Variants in BTBD8 observed in about 807,000 individuals in gnomAD.
BTBD8 encodes BTB/POZ domain-containing protein 8.
In BTBD8, 110 loss-of-function variants were observed where a neutral mutation model predicts 162.9. That is an observed-to-expected ratio of 0.68 (90% confidence interval 0.58 to 0.79). The LOEUF is 0.79. Ranked by LOEUF, BTBD8 falls within the 30% of genes least tolerant of loss-of-function variation. The pLI is 0.00. For synonymous variants in BTBD8, 667 were observed against 716.1 expected (o/e 0.93, Z 1.10); for missense variants, 1,905 against 2,085.4 (o/e 0.91, Z 1.68).
intron 4 of BTBD8, chr1:92,125,678 CA>C: frequency 2.8e-6 from 1 of 351,982 alleles, no homozygotes; most frequent in Non-Finnish European, 5.5e-6. Context: ...AAGATTATAC[CA>C]AAAGCCATTA....
intron 5 of BTBD8, among the ~76,000 whole-genome samples, chr1:92,138,713 G>C (rs533177093): frequency 1.3e-5 from 2 of 152,184 alleles, no homozygotes; most frequent in African/African-American, 4.8e-5. Flanking sequence ...GATGCAAGAC[G>C]CTATGTAGCA....
chr1:92,121,898 T>C (rs1649222361), intron 4 of BTBD8, among the ~76,000 whole-genome samples: 1 of 151,958 alleles, frequency 6.6e-6, no homozygotes, highest in Non-Finnish European at 1.5e-5. Context: ...CTTGAGCTCC[T>C]GGGCTTAAGG....
rs768946904 is a variant in BTBD8 at position 92,105,405 on chromosome 1, C to T, written c.545-2479C>T. Among the ~76,000 whole-genome samples, 3 of 152,100 alleles carry T rather than the reference C, an allele frequency of 2.0e-5. No individual in the cohort carries two copies. In the South Asian group the frequency reaches 6.2e-4, roughly 32 times the overall value. On this transcript the variant is annotated intron_variant, in intron 3 of 17. Coordinates refer to ENST00000636805, the MANE Select transcript of BTBD8 (RefSeq NM_001376131.1). ...GTAGCTGGGCCCAGAGGGCTGACCA[C>T]CACACCTGGCTAATATTTTGTATTC...
At chr1:92,128,573 C>A (rs558632882) in intron 4 of BTBD8, among the ~76,000 whole-genome samples, 2 of 151,186 alleles carry the variant, frequency 1.3e-5, no homozygotes, top group Non-Finnish European at 2.9e-5. Context: ...CCACCGCGCC[C>A]GGCCATTTTT....
At position 92,171,383 on chromosome 1, in the gene BTBD8, C is replaced by T; in HGVS notation, c.1574-16C>T. On this transcript the variant is annotated splice_polypyrimidine_tract_variant and intron_variant, in intron 12 of 17. Coordinates refer to ENST00000636805, the MANE Select transcript of BTBD8 (RefSeq NM_001376131.1). Reference sequence around the variant, plus strand: ...TAATGTTCCTTATAAAAACAAATTGCTGTTTCTTTCTACAGCTGCATTTGA... The same window carrying T: ...TAATGTTCCTTATAAAAACAAATTGTTGTTTCTTTCTACAGCTGCATTTGA... 6.5e-7 allele frequency: 1 copy of T among 1,533,650 alleles called. No homozygotes were observed. The highest frequency in any genetic ancestry group is 8.8e-7 in the Non-Finnish European group (1 of 1,136,952).
chr1:92,147,896 G>C lies in BTBD8; in HGVS notation c.1122+110G>C, dbSNP rs140564172. ...TAAATGTAAAATATTGTAAAAGCAAGAGGCGTGAACCAATTCAGATAACCT... is the reference window on the plus strand; with the variant it reads ...TAAATGTAAAATATTGTAAAAGCAACAGGCGTGAACCAATTCAGATAACCT... On this transcript the variant is annotated intron_variant, in intron 9 of 17. Coordinates refer to ENST00000636805, the MANE Select transcript of BTBD8 (RefSeq NM_001376131.1). 4,951 of 962,244 alleles carry C rather than the reference G, an allele frequency of 5.1e-3. 12 individuals are homozygous for C. The highest frequency in any genetic ancestry group is 6.5e-3 in the Non-Finnish European group (4,212 of 648,288). 59.6% of individuals were successfully genotyped at this position (962,244 alleles called of 1,614,324 possible).
chr1:92,107,401 G>A (rs569819490), intron 3 of BTBD8, among the ~76,000 whole-genome samples: 97 of 152,176 alleles, frequency 6.4e-4, no homozygotes, highest in Non-Finnish European at 1.1e-3. Flanking sequence ...TTATGATACC[G>A]GATTTTTACT....
At chr1:92,081,445 C>T (rs1339213455) in intron 1 of BTBD8, among the ~76,000 whole-genome samples, 1 of 152,224 alleles carries the variant, frequency 6.6e-6, no homozygotes, top group Non-Finnish European at 1.5e-5. Flanking sequence ...GATTCTTAAA[C>T]TTGGGTGGGC....
At chr1:92,182,616 T>A (rs1437778671) in intron 17 of BTBD8, 21 bp downstream of exon 17, 1 of 1,377,788 alleles carries the variant, frequency 7.3e-7, no homozygotes, top group East Asian at 2.6e-5. Flanking sequence ...GAAATAGAAA[T>A]GCTAAATGCA....
intron 17 of BTBD8, among the ~76,000 whole-genome samples, chr1:92,183,359 C>T (rs931244075): frequency 1.3e-5 from 2 of 152,152 alleles, no homozygotes; most frequent in East Asian, 1.9e-4. Flanking sequence ...TCAGCAAAAT[C>T]GGAAGAATAA....
rs547144634 is a variant in BTBD8 at position 92,179,305 on chromosome 1, TAAGG to T, written c.2581+856_2581+859del. Among the ~76,000 whole-genome samples the T allele has an allele frequency of 2.7e-3, 407 of 151,856 alleles. 1 individual carries two copies. Among genetic ancestry groups the T allele is most frequent in the African/African-American group, 9.1e-3 (376 of 41,424 alleles). ...GTGCAGTCTAAACAACTATAATACATAAGGAGGAAGAATTTCCCTTCCAGAATCT... is the reference window on the plus strand; with the variant it reads ...GTGCAGTCTAAACAACTATAATACATAGGAAGAATTTCCCTTCCAGAATCT... On this transcript the variant is annotated intron_variant, in intron 16 of 17. Coordinates refer to ENST00000636805, the MANE Select transcript of BTBD8 (RefSeq NM_001376131.1).
At chr1:92,089,693 C>T (rs1648248255) in intron 2 of BTBD8, among the ~76,000 whole-genome samples, 1 of 152,112 alleles carries the variant, frequency 6.6e-6, no homozygotes, top group South Asian at 2.1e-4. Flanking sequence ...TATAAGAGCA[C>T]TAATCTCATT....
At position 92,177,823 on chromosome 1, in the gene BTBD8, G is replaced by A. The variant is rs747124665; in HGVS notation, c.2366G>A (p.Arg789Gln). The change falls in exon 15 of 18, where the codon CGA becomes CAA. Residue 789 changes from arginine (R) to glutamine (Q), a missense_variant. Physicochemically the swap from Arg to Gln is conservative, Grantham distance 43 (BLOSUM62 1). Around this residue, in one of 3 missense-constraint regions of BTBD8, gnomAD observed 1,374 missense variants for 1,442.7 expected, o/e 0.95. Coordinates refer to ENST00000636805, the MANE Select transcript of BTBD8 (RefSeq NM_001376131.1). ...TCTTAATTTATAGCCATAAAATCTC[G>A]ACCTGTTTCAAGAGTTACCAATGGA... ...VKNSTVAIKS[R>Q]PVSRVTNGTS... The A allele has an allele frequency of 2.7e-5, 41 of 1,533,542 alleles. No individual in the cohort carries two copies. The highest frequency in any genetic ancestry group is 8.0e-5 in the Admixed American group (4 of 50,268). 95.0% of individuals were successfully genotyped at this position (1,533,542 alleles called of 1,614,324 possible). A position where few individuals can be genotyped will look rare whatever the true frequency, so the allele number is the denominator to read the frequency against.
intron 1 of BTBD8, among the ~76,000 whole-genome samples, chr1:92,086,469 A>T (rs1030137010): frequency 6.6e-6 from 1 of 152,122 alleles, no homozygotes; most frequent in Non-Finnish European, 1.5e-5. Context: ...TGTCTCTACA[A>T]AAGATACAAA....
At chr1:92,126,409 C>T in intron 4 of BTBD8, 1 of 876,852 alleles carries the variant, frequency 1.1e-6, no homozygotes, top group Non-Finnish European at 1.8e-6. Context: ...CTTGCCCAGG[C>T]TCAGACCTCC....
rs1649959876 is a variant in BTBD8 at position 92,147,790 on chromosome 1, A to T, written c.1122+4A>T. 6.2e-7 allele frequency: 1 copy of T among 1,602,096 alleles called. No homozygotes were observed. Among genetic ancestry groups the T allele is most frequent in the East Asian group, 2.2e-5 (1 of 44,736 alleles). ...TAATATGTTGATTCAGTCCTTAGTA[A>T]GTATAACCTGAATACTCTTTTGTGT... On this transcript the variant is annotated splice_donor_region_variant and intron_variant, in intron 9 of 17. Coordinates refer to ENST00000636805, the MANE Select transcript of BTBD8 (RefSeq NM_001376131.1).
At chr1:92,130,115 G>A (rs1005863068) in intron 5 of BTBD8, among the ~76,000 whole-genome samples, 7 of 152,238 alleles carry the variant, frequency 4.6e-5, no homozygotes, top group South Asian at 4.1e-4. Context: ...GCATTCTGCC[G>A]CCTTCTTGCT....
intron 2 of BTBD8, among the ~76,000 whole-genome samples, chr1:92,092,109 A>G (rs908814812): frequency 2.0e-5 from 3 of 152,140 alleles, no homozygotes; most frequent in Admixed American, 6.5e-5. Context: ...TGCCTGTATA[A>G]GAAGACTTAG....
In BTBD8 at chr1:92,182,549, G is replaced by C. The variant is rs935202598; in HGVS notation, c.4866G>C (p.Glu1622Asp). The C allele has an allele frequency of 3.9e-6, 6 of 1,529,928 alleles. No homozygotes were observed. Among genetic ancestry groups the C allele is most frequent in the African/African-American group, 1.4e-5 (1 of 71,754 alleles). 94.8% of individuals were successfully genotyped at this position (1,529,928 alleles called of 1,614,324 possible). A position where few individuals can be genotyped will look rare whatever the true frequency, so the allele number is the denominator to read the frequency against. Reference protein sequence around the residue: ...QVLPQEGPVKESHSTTTEKAN... With the variant: ...QVLPQEGPVKDSHSTTTEKAN... Reference sequence around the variant, plus strand: ...TGCCTCAGGAAGGTCCAGTGAAAGAGAGCCATTCTACAACTACTGAAAAAG... The same window carrying C: ...TGCCTCAGGAAGGTCCAGTGAAAGACAGCCATTCTACAACTACTGAAAAAG... Residue 1622 changes from glutamate to aspartate, a missense_variant, in exon 17 of 18, where the codon GAG (glutamate) becomes GAC (aspartate). Physicochemically the swap from Glu to Asp is conservative, Grantham distance 45 (BLOSUM62 2). Around this residue, in one of 3 missense-constraint regions of BTBD8, gnomAD observed 517 missense variants for 606.6 expected, o/e 0.85. Transcript: ENST00000636805.
Sources: allele counts gnomAD v4.1 joint callset (sites outside exome capture counted in the v4.1 genomes callset), GRCh38; gene constraint gnomAD v4.1.1; regional missense constraint gnomAD v4.1.1; transcripts MANE v1.5; gene names NCBI Gene and HGNC (gene_info 2026-07-23, HGNC 2026-07-21).